The following ABI2 variants were observed in gnomAD, a reference collection of about 807,000 sequenced individuals.
The protein encoded by ABI2 is abelson interactor 2.
In ABI2, 25 loss-of-function variants were observed where a neutral mutation model predicts 59.2. That is an observed-to-expected ratio of 0.42 (90% confidence interval 0.31 to 0.59). ABI2 has a LOEUF of 0.59. ABI2 is among the 20% of genes least tolerant of loss of function. The pLI is 0.14. For synonymous variants in ABI2, 213 were observed against 235.5 expected (o/e 0.90, Z 0.87); for missense variants, 545 against 681.8 (o/e 0.80, Z 2.23).
At chr2:203,364,410 C>T (rs2094073813) in intron 1 of ABI2, among the ~76,000 whole-genome samples, 2 of 152,130 alleles carry the variant, frequency 1.3e-5, no homozygotes, top group African/African-American at 2.4e-5. Context: ...GATACTTGTA[C>T]ATGGGTCAGG....
chr2:203,414,258 T>C (rs1389756452), intron 10 of ABI2, among the ~76,000 whole-genome samples: 4 of 151,998 alleles, frequency 2.6e-5, no homozygotes, highest in African/African-American at 9.7e-5. Flanking sequence ...TGCACCACCA[T>C]GTGCGTCTAA....
intron 8 of ABI2, 129 bp downstream of exon 8, chr2:203,397,096 A>G: frequency 8.2e-7 from 1 of 1,212,304 alleles, no homozygotes; most frequent in Non-Finnish European, 1.0e-6. Flanking sequence ...ATAATGTACT[A>G]ACCAGAAAGT....
intron 1 of ABI2, chr2:203,342,058 G>A (rs1043933600): frequency 2.8e-6 from 1 of 356,968 alleles, no homozygotes; most frequent in Non-Finnish European, 5.5e-6. Flanking sequence ...GTGAAGAGAG[G>A]AATTATGTTC....
chr2:203,369,152 A>T (rs1258316570), intron 2 of ABI2, among the ~76,000 whole-genome samples: 1 of 151,904 alleles, frequency 6.6e-6, no homozygotes, highest in Non-Finnish European at 1.5e-5. Flanking sequence ...GGTTTTCTGT[A>T]GAAGGAGGGA....
chr2:203,370,228 T>TCTCTCTC (rs2095020294), intron 2 of ABI2, among the ~76,000 whole-genome samples: 2 of 117,454 alleles, frequency 1.7e-5, no homozygotes, highest in African/African-American at 6.6e-5. Flanking sequence ...CTCTCTCTCT[T>TCTCTCTC]TCTGTGTGTA....
rs921332900 is a variant in ABI2, at chr2:203,392,065, G to A, written c.578+922G>A. 3.3e-5 allele frequency among the ~76,000 whole-genome samples: 5 copies of A among 152,194 alleles called. No homozygotes were observed. The East Asian group carries it at 9.7e-4, about 29-fold the overall frequency. ...GCTGTTACTTTATAATTCCTACATA[G>A]TCAGCTGCCAAGAATTCAGTTTTTT... On this transcript the variant is annotated intron_variant, in intron 5 of 11. Transcript: ENST00000261018.
chr2:203,408,306 G>A (rs1480527804), intron 9 of ABI2, among the ~76,000 whole-genome samples: 1 of 151,898 alleles, frequency 6.6e-6, no homozygotes, highest in Non-Finnish European at 1.5e-5. Flanking sequence ...GGGGTTACAG[G>A]CACCTGCTAC....
chr2:203,329,811 A>G (rs1418283027), intron 1 of ABI2, among the ~76,000 whole-genome samples: 2 of 151,548 alleles, frequency 1.3e-5, no homozygotes, highest in Non-Finnish European at 2.9e-5. Flanking sequence ...ATCTCGGCTC[A>G]CTGAAACCTC....
chr2:203,334,986 G>C (rs2075797010), intron 1 of ABI2, among the ~76,000 whole-genome samples: 1 of 152,048 alleles, frequency 6.6e-6, no homozygotes, highest in Non-Finnish European at 1.5e-5. Context: ...ATAGCTTATG[G>C]TTGAATTTTT....
intron 10 of ABI2, among the ~76,000 whole-genome samples, chr2:203,414,627 A>G (rs191343126): frequency 6.6e-6 from 1 of 152,338 alleles, no homozygotes; most frequent in African/African-American, 2.4e-5. Flanking sequence ...ACTTTTGCCT[A>G]CTGCCCTTTT....
intron 9 of ABI2, among the ~76,000 whole-genome samples, chr2:203,404,715 C>T (rs1559348383): frequency 2.0e-5 from 3 of 152,146 alleles, no homozygotes; most frequent in African/African-American, 7.2e-5. Flanking sequence ...CCTGCCACTA[C>T]ACCCAGCTAA....
At chr2:203,341,697 G>A (rs1158842987) in intron 1 of ABI2, among the ~76,000 whole-genome samples, 2 of 152,006 alleles carry the variant, frequency 1.3e-5, no homozygotes, top group Non-Finnish European at 2.9e-5. Context: ...GCAACAGAGC[G>A]AGACTCCATC....
chr2:203,358,111 G>GTTTGTT (rs1418541970), intron 1 of ABI2, among the ~76,000 whole-genome samples: 13 of 109,250 alleles, frequency 1.2e-4, no homozygotes, highest in African/African-American at 3.2e-4. Flanking sequence ...GTGTGTGTGT[G>GTTTGTT]TGTTTGTTTG....
At chr2:203,389,509 T>A (rs549273279) in intron 4 of ABI2, among the ~76,000 whole-genome samples, 2 of 152,206 alleles carry the variant, frequency 1.3e-5, no homozygotes, top group Non-Finnish European at 2.9e-5. Context: ...TAGCCTCACT[T>A]CTCTGTATAC....
chr2:203,395,571 C>T, intron 6 of ABI2, 85 bp from the exon 7 acceptor site: 1 of 1,412,490 alleles, frequency 7.1e-7, no homozygotes, highest in Middle Eastern at 2.3e-4. Flanking sequence ...ATTGTAGCTA[C>T]ATTCATCTCA....
chr2:203,385,718 C>T (rs954113864), intron 4 of ABI2, among the ~76,000 whole-genome samples: 1 of 152,140 alleles, frequency 6.6e-6, no homozygotes, highest in African/African-American at 2.4e-5. Flanking sequence ...GTAACATCAA[C>T]CTTTGAGAGA....
chr2:203,347,325 A>G (rs1249330947), intron 1 of ABI2, among the ~76,000 whole-genome samples: 1 of 152,230 alleles, frequency 6.6e-6, no homozygotes, highest in Non-Finnish European at 1.5e-5. Flanking sequence ...ATAAAGGTGC[A>G]CTGGTTTTCA....
chr2:203,345,853 C>G (rs991240073), intron 1 of ABI2, among the ~76,000 whole-genome samples: 1 of 150,606 alleles, frequency 6.6e-6, no homozygotes, highest in Non-Finnish European at 1.5e-5. Flanking sequence ...GCAATATTTT[C>G]TTTTTTAATC....
At chr2:203,361,615 A>G (rs151077804) in intron 1 of ABI2, among the ~76,000 whole-genome samples, 1 of 152,200 alleles carries the variant, frequency 6.6e-6, no homozygotes, top group African/African-American at 2.4e-5. Flanking sequence ...GAAAACTAAA[A>G]AAAAGGAGAA....
Sources: gnomAD v4.1 joint callset for allele counts (sites outside exome capture counted in the v4.1 genomes callset) on GRCh38, gnomAD v4.1.1 for gene constraint, MANE v1.5 for transcripts, NCBI Gene and HGNC (gene_info 2026-07-23, HGNC 2026-07-21) for gene names.